PCDHA3: variants seen among roughly 807,000 people sequenced by gnomAD.
PCDHA3 encodes protocadherin alpha 3, also known as protocadherin alpha-3.
A neutral mutation model predicts 62.2 loss-of-function variants in PCDHA3; 41 were observed. The ratio of observed to expected loss-of-function variants is 0.66; its 90% CI spans 0.51 to 0.86. The LOEUF (loss-of-function observed/expected upper bound fraction) is 0.86, where lower values mean the gene tolerates loss of function less well. Among genes scored for constraint, PCDHA3 ranks in the 40% least tolerant of loss-of-function variants. PCDHA3 has a pLI of 0.00. For missense variants in PCDHA3, 1,304 were observed against 1,241.2 expected (o/e 1.05, Z -0.76); for synonymous variants, 640 against 555.4 (o/e 1.15, Z -2.14).
chr5:140,843,381 T>G lies in PCDHA3; in HGVS notation c.2394+39790T>G, dbSNP rs2150358739. The G allele has an allele frequency of 6.3e-6, 10 of 1,595,976 alleles. 2 individuals carry two copies. The African/African-American group carries it at 1.2e-4, about 19-fold the overall frequency. On this transcript the variant is annotated intron_variant, in intron 1 of 3. Coordinates refer to ENST00000522353, the MANE Select transcript of PCDHA3 (RefSeq NM_018906.3). ...TCATCGAGGCAGTCGGCTGGCGTTT[T>G]GGGTCCGGAAGCGGCGCTGGTGGAT...
intron 1 of PCDHA3, among the ~76,000 whole-genome samples, chr5:140,976,091 C>CAACTTTTCAA (rs2096700073): frequency 6.6e-6 from 1 of 152,166 alleles, no homozygotes; most frequent in Non-Finnish European, 1.5e-5. Flanking sequence ...TATCAGTAGT[C>CAACTTTTCAA]AACTTTTCAA....
intron 1 of PCDHA3, among the ~76,000 whole-genome samples, chr5:140,963,504 G>T (rs1044640224): frequency 4.6e-5 from 7 of 152,222 alleles, no homozygotes; most frequent in Admixed American, 1.3e-4. Flanking sequence ...CAAATCTCTT[G>T]AAGGGGTTCT....
chr5:140,964,079 G>A (rs1209152794), intron 1 of PCDHA3, among the ~76,000 whole-genome samples: 3 of 152,178 alleles, frequency 2.0e-5, no homozygotes, highest in African/African-American at 7.2e-5. Flanking sequence ...GTTAATATTT[G>A]TAGAAAGGGT....
At chr5:140,897,782 T>G (rs1378743158) in intron 1 of PCDHA3, among the ~76,000 whole-genome samples, 6 of 152,182 alleles carry the variant, frequency 3.9e-5, no homozygotes, top group Admixed American at 3.9e-4. Flanking sequence ...CCACAATGGT[T>G]GAACTAGTTT....
chr5:140,842,824 G>A (rs1778307611), intron 1 of PCDHA3: 4 of 1,593,676 alleles, frequency 2.5e-6, no homozygotes, highest in African/African-American at 1.3e-5. Flanking sequence ...GGGTGGGCGA[G>A]CGCTCGCTGT....
At chr5:140,965,061 G>A (rs76085486) in intron 1 of PCDHA3, among the ~76,000 whole-genome samples, 2,501 of 152,286 alleles carry the variant, frequency 0.016, 68 homozygotes, top group African/African-American at 0.056. Context: ...CATGCCAAAT[G>A]TCAGGTCTCA....
chr5:140,992,400 T>C (rs1019164556), intron 3 of PCDHA3, among the ~76,000 whole-genome samples: 1 of 152,124 alleles, frequency 6.6e-6, no homozygotes, highest in Admixed American at 6.5e-5. Context: ...CTTAGAGATA[T>C]TGTTCTGCCC....
At position 140,829,788 on chromosome 5, in the gene PCDHA3, T is replaced by G. The variant is rs2150174701; in HGVS notation, c.2394+26197T>G. 2.5e-6 allele frequency: 4 copies of G among 1,613,684 alleles called. No individual in the cohort carries two copies. The African/African-American group carries it at 5.3e-5, about 22-fold the overall frequency. On this transcript the variant is annotated intron_variant, in intron 1 of 3. Coordinates refer to ENST00000522353, the MANE Select transcript of PCDHA3 (RefSeq NM_018906.3). Reference sequence around the variant, plus strand: ...GAGAACGACAACGCGCCGGCGCTGCTGGCGCCTCGGGTGGGTGGTACTGGT... The same window carrying G: ...GAGAACGACAACGCGCCGGCGCTGCGGGCGCCTCGGGTGGGTGGTACTGGT...
intron 1 of PCDHA3, among the ~76,000 whole-genome samples, chr5:140,838,633 T>C (rs1417814088): frequency 6.6e-6 from 1 of 151,988 alleles, no homozygotes; most frequent in Non-Finnish European, 1.5e-5. Flanking sequence ...AATAATTTGG[T>C]TGGTCAAAAA....
intron 1 of PCDHA3, among the ~76,000 whole-genome samples, chr5:140,894,820 C>A (rs149254580): frequency 3.2e-4 from 49 of 152,072 alleles, no homozygotes; most frequent in African/African-American, 1.2e-3. Flanking sequence ...ATCAGATTTG[C>A]CCATAATCCT....
At position 140,998,569 on chromosome 5, in the gene PCDHA3, G is replaced by GTTT. The variant is rs71574497; in HGVS notation, c.2543-11048_2543-11046dup. ...TTAATGTCTAATTTATTGTAAATAA[G>GTTT]TTTTTTTTTTTTGAGACAGAGTTTT... On this transcript the variant is annotated intron_variant, in intron 3 of 3. Transcript: ENST00000522353. Among the ~76,000 whole-genome samples, 105 of 149,398 alleles carry GTTT rather than the reference G, an allele frequency of 7.0e-4. 1 individual carries two copies. Among genetic ancestry groups the GTTT allele is most frequent in the Middle Eastern group, 3.4e-3 (1 of 292 alleles).
At position 140,807,591 on chromosome 5, in the gene PCDHA3, C is replaced by T. The variant is rs1482430512; in HGVS notation, c.2394+4000C>T. 1.9e-6 allele frequency: 3 copies of T among 1,614,028 alleles called. No individual in the cohort carries two copies. In the African/African-American group the frequency reaches 4.0e-5, roughly 22 times the overall value. On this transcript the variant is annotated intron_variant, in intron 1 of 3. Transcript: ENST00000522353. Reference sequence around the variant, plus strand: ...AACGATAACCCGCCGGTGTTCCCAGCAACACAAAAGAACCTGTCCATCGCG... The same window carrying T: ...AACGATAACCCGCCGGTGTTCCCAGTAACACAAAAGAACCTGTCCATCGCG...
At chr5:140,881,425 G>A (rs2058709101) in intron 1 of PCDHA3, 2 of 901,294 alleles carry the variant, frequency 2.2e-6, no homozygotes, top group Non-Finnish European at 1.3e-6. Flanking sequence ...TTAGTTCCAG[G>A]CATATTTTAT....
rs377081112 is a variant in PCDHA3 at position 140,871,063 on chromosome 5, G to C, written c.2394+67472G>C. On this transcript the variant is annotated intron_variant, in intron 1 of 3. Coordinates refer to ENST00000522353, the MANE Select transcript of PCDHA3 (RefSeq NM_018906.3). ...ACTTCTAGTACTGGTGAAGGATCAC[G>C]GTGAGCCGGCGCTGACGGCCACGGC... The C allele has an allele frequency of 2.7e-5, 43 of 1,613,154 alleles. 1 individual carries two copies. The South Asian group carries it at 4.5e-4, about 17-fold the overall frequency.
intron 1 of PCDHA3, chr5:140,843,325 G>A: frequency 6.3e-7 from 1 of 1,596,050 alleles, no homozygotes. Flanking sequence ...TTCTGGTGTC[G>A]CTGGTGGAGA....
chr5:140,803,388 G>A lies in PCDHA3; in HGVS notation c.2191G>A (p.Asp731Asn). The change falls in exon 1 of 4, where the codon GAC (aspartate) becomes AAC (asparagine). Residue 731 changes from aspartate to asparagine, a missense_variant. By Grantham distance (23) the Asp-to-Asn change is conservative. Transcript: ENST00000522353. ...LRCSAPPTEG[D>N]CGPGKPTLVC... ...GTGCTCCGCGCCGCCAACCGAAGGC[G>A]ACTGTGGGCCGGGCAAGCCCACGCT... 6.2e-7 allele frequency: 1 copy of A among 1,614,236 alleles called. No homozygotes were observed. The highest frequency in any genetic ancestry group is 8.5e-7 in the Non-Finnish European group (1 of 1,180,042).
intron 1 of PCDHA3, chr5:140,813,411 A>G (rs1765286537): frequency 6.6e-6 from 1 of 152,190 alleles, no homozygotes; most frequent in African/African-American, 2.4e-5. Flanking sequence ...AAACCTGTAC[A>G]TATGTTAACT....
Position 140,828,034 on chromosome 5 carries a change from A to G in PCDHA3, c.2394+24443A>G, listed in dbSNP as rs1202168939. Reference sequence around the variant, plus strand: ...TGGATTAATAAATTCCGGAACATACAGTATTTTATCTTTATGCGGAAGATC... The same window carrying G: ...TGGATTAATAAATTCCGGAACATACGGTATTTTATCTTTATGCGGAAGATC... On this transcript the variant is annotated intron_variant, in intron 1 of 3. Transcript: ENST00000522353. The G allele has an allele frequency of 8.5e-6, 13 of 1,527,214 alleles. No individual in the cohort carries two copies. In the South Asian group the frequency reaches 9.2e-5, roughly 11 times the overall value. 94.6% of individuals were successfully genotyped at this position (1,527,214 alleles called of 1,614,324 possible). A position where few individuals can be genotyped will look rare whatever the true frequency, so the allele number is the denominator to read the frequency against.
chr5:140,801,288 C>T lies in PCDHA3; in HGVS notation c.91C>T (p.Leu31Phe), dbSNP rs1554121357. The change falls in exon 1 of 4, where the codon CTC (leucine) becomes TTC (phenylalanine). Residue 31 changes from leucine (L) to phenylalanine (F), a missense_variant. By Grantham distance (22) the Leu-to-Phe change is conservative. Transcript: ENST00000522353. ...LAASEVGSGQ[L>F]HYSVSEEAKH... is the part of the protein sequence containing the mutation. ...AGCCTCGGAGGTGGGGAGCGGCCAG[C>T]TCCACTACTCCGTCTCTGAGGAGGC... 6.2e-7 allele frequency: 1 copy of T among 1,613,524 alleles called. No individual in the cohort carries two copies. The highest frequency in any genetic ancestry group is 1.1e-5 in the South Asian group (1 of 91,052).
Sources: gnomAD v4.1 joint callset for allele counts (sites outside exome capture counted in the v4.1 genomes callset) on GRCh38, gnomAD v4.1.1 for gene constraint, MANE v1.5 for transcripts, NCBI Gene and HGNC (gene_info 2026-07-23, HGNC 2026-07-21) for gene names.